ACOT7: variants seen among roughly 807,000 people sequenced by gnomAD.
ACOT7 encodes cytosolic acyl coenzyme A thioester hydrolase.
In ACOT7, 12 loss-of-function variants were observed where a neutral mutation model predicts 40.2. The ratio of observed to expected loss-of-function variants is 0.30; its 90% CI spans 0.19 to 0.48. The LOEUF (loss-of-function observed/expected upper bound fraction) is 0.48, where lower values mean the gene tolerates loss of function less well. ACOT7 is among the 20% of genes least tolerant of loss of function. The pLI is 0.99. For synonymous variants in ACOT7, 228 were observed against 219.5 expected, an observed-to-expected ratio of 1.04 and a Z score of -0.34; for missense variants, 395 against 530.8, an observed-to-expected ratio of 0.74 and a Z score of 2.51.
chr1:6,348,744 G>T (rs1302642183), intron 2 of ACOT7, among the ~76,000 whole-genome samples: 1 of 152,222 alleles, frequency 6.6e-6, no homozygotes, highest in Non-Finnish European at 1.5e-5. Context: ...AAGCCAGCAG[G>T]CTGTGGTCTT....
At chr1:6,369,348 C>T (rs973585494) in intron 1 of ACOT7, among the ~76,000 whole-genome samples, 1 of 151,814 alleles carries the variant, frequency 6.6e-6, no homozygotes, top group Non-Finnish European at 1.5e-5. Context: ...ATTTACATTG[C>T]CCAGATCAGA....
At chr1:6,366,756 A>G (rs1642020971) in intron 1 of ACOT7, among the ~76,000 whole-genome samples, 1 of 151,784 alleles carries the variant, frequency 6.6e-6, no homozygotes, top group South Asian at 2.1e-4. Flanking sequence ...CCCGAGTTCA[A>G]GTGATTCCCC....
At chr1:6,340,043 G>A (rs1641228986) in intron 2 of ACOT7, among the ~76,000 whole-genome samples, 2 of 150,998 alleles carry the variant, frequency 1.3e-5, no homozygotes, top group South Asian at 4.2e-4. Flanking sequence ...TCCCCTCACT[G>A]CAAGCGCCGC....
At chr1:6,320,324 T>G (rs1431748601) in intron 5 of ACOT7, among the ~76,000 whole-genome samples, 1 of 152,224 alleles carries the variant, frequency 6.6e-6, no homozygotes, top group African/African-American at 2.4e-5. Flanking sequence ...ATTTTGAAAC[T>G]GCAGGTTCAC....
chr1:6,336,598 A>G (rs904255195), intron 3 of ACOT7, among the ~76,000 whole-genome samples: 1 of 152,164 alleles, frequency 6.6e-6, no homozygotes, highest in African/African-American at 2.4e-5. Context: ...GACAGCACAC[A>G]GATGTCACGC....
chr1:6,349,029 C>G (rs1218126120), intron 2 of ACOT7, among the ~76,000 whole-genome samples: 1 of 152,212 alleles, frequency 6.6e-6, no homozygotes, highest in African/African-American at 2.4e-5. Flanking sequence ...GCAGCTGCGG[C>G]ACCAAGGCAG....
At chr1:6,376,106 T>G (rs1441673675) in intron 1 of ACOT7, among the ~76,000 whole-genome samples, 1 of 151,844 alleles carries the variant, frequency 6.6e-6, no homozygotes, top group African/African-American at 2.4e-5. Flanking sequence ...AGTACAAAAA[T>G]TAGCCATGCG....
intron 6 of ACOT7, among the ~76,000 whole-genome samples, chr1:6,305,008 C>G (rs1026643531): frequency 5.3e-5 from 8 of 150,244 alleles, no homozygotes; most frequent in African/African-American, 2.0e-4. Context: ...GACGGGGCGG[C>G]TGGCCGGGCG....
rs1642208385 is a variant in ACOT7 at position 6,375,358 on chromosome 1, AAAG to A, written c.143+17896_143+17898del. ...TAAACAACTTGTATCTAAAATATAC[AAAG>A]AAATCTTAAAACTCAACAATAAGAG... On this transcript the variant is annotated intron_variant, in intron 1 of 8. Coordinates refer to ENST00000361521, the MANE Select transcript of ACOT7 (RefSeq NM_007274.4). Among the ~76,000 whole-genome samples the A allele has an allele frequency of 6.0e-5, 9 of 150,458 alleles. 1 individual carries two copies. In the South Asian group the frequency reaches 1.7e-3, roughly 28 times the overall value.
At chr1:6,342,688 C>G (rs1641308970) in intron 2 of ACOT7, among the ~76,000 whole-genome samples, 1 of 152,248 alleles carries the variant, frequency 6.6e-6, no homozygotes, top group Non-Finnish European at 1.5e-5. Context: ...CATTCTTCTT[C>G]TGTTAGAGAT....
chr1:6,322,378 C>T (rs1640670169), intron 5 of ACOT7, among the ~76,000 whole-genome samples: 1 of 152,248 alleles, frequency 6.6e-6, no homozygotes, highest in African/African-American at 2.4e-5. Flanking sequence ...AATGAGGAAA[C>T]TCACATGGCA....
chr1:6,333,860 C>T (rs1015131425), intron 3 of ACOT7, among the ~76,000 whole-genome samples: 8 of 152,178 alleles, frequency 5.3e-5, no homozygotes, highest in Non-Finnish European at 1.0e-4. Context: ...GCATGCCCCC[C>T]CAAAACTGGC....
rs1423490612 is a variant in ACOT7, at chr1:6,275,570, A to T, written c.1014+5532T>A. Among the ~76,000 whole-genome samples the T allele has an allele frequency of 1.3e-5, 2 of 152,038 alleles. No individual in the cohort carries two copies. Among genetic ancestry groups the T allele is most frequent in the Non-Finnish European group, 2.9e-5 (2 of 67,998 alleles). On this transcript the variant is annotated intron_variant, in intron 8 of 8. Coordinates refer to ENST00000361521, the MANE Select transcript of ACOT7 (RefSeq NM_007274.4). The surrounding 1 kb of genome is among the most constrained non-coding windows in gnomAD (Gnocchi z 5.6). ...CATTTCTACTAAAAATACAAAAATT[A>T]ATAAGGAATGGTGGCATGCGCCTGT...
intron 5 of ACOT7, among the ~76,000 whole-genome samples, chr1:6,322,516 C>T (rs1336518178): frequency 1.3e-5 from 2 of 152,320 alleles, no homozygotes; most frequent in South Asian, 2.1e-4. Flanking sequence ...GGCAGAAATT[C>T]GTCTCACAGC....
Position 6,288,238 on chromosome 1 carries a change from G to A in ACOT7, c.829+6626C>T, listed in dbSNP as rs570578226. 1.2e-4 allele frequency among the ~76,000 whole-genome samples: 18 copies of A among 152,266 alleles called. 1 individual carries two copies. The highest frequency in any genetic ancestry group is 5.8e-4 in the East Asian group (3 of 5,190). On this transcript the variant is annotated intron_variant, in intron 7 of 8. Transcript: ENST00000361521. The surrounding 1 kb of genome is among the most constrained non-coding windows in gnomAD (Gnocchi z 4.3). Reference sequence around the variant, plus strand: ...GGCTCCAGCCTGTCGTGGCCCTCGCGTCCCCAGCACCAACTCCGTTGCTGG... The same window carrying A: ...GGCTCCAGCCTGTCGTGGCCCTCGCATCCCCAGCACCAACTCCGTTGCTGG...
chr1:6,372,077 G>A (rs780949871), intron 1 of ACOT7, among the ~76,000 whole-genome samples: 11 of 151,590 alleles, frequency 7.3e-5, no homozygotes, highest in Non-Finnish European at 1.2e-4. Flanking sequence ...CTATTGTGTA[G>A]CCACCCTCAC....
chr1:6,326,931 C>CAAA (rs1163224507), intron 5 of ACOT7, among the ~76,000 whole-genome samples: 1 of 61,192 alleles, frequency 1.6e-5, no homozygotes. Flanking sequence ...GACTCCAACT[C>CAAA]AAAAAAAAAA....
At chr1:6,365,555 G>A (rs1313515580) in intron 1 of ACOT7, among the ~76,000 whole-genome samples, 1 of 151,996 alleles carries the variant, frequency 6.6e-6, no homozygotes, top group South Asian at 2.1e-4. Context: ...GGATCACAAG[G>A]TCAGGAGATC....
chr1:6,317,465 T>C (rs1016701207), intron 6 of ACOT7, among the ~76,000 whole-genome samples: 3 of 152,178 alleles, frequency 2.0e-5, no homozygotes, highest in Admixed American at 1.3e-4. Context: ...TTAAGGCCTG[T>C]GTTGTTTGAG....
Sources: allele counts gnomAD v4.1 joint callset (sites outside exome capture counted in the v4.1 genomes callset), GRCh38; gene constraint gnomAD v4.1.1; non-coding constraint Gnocchi (gnomAD v3.1); transcripts MANE v1.5; gene names NCBI Gene and HGNC (gene_info 2026-07-23, HGNC 2026-07-21).